The following ATXN2 variants were observed in gnomAD, a reference collection of about 807,000 sequenced individuals.
The protein encoded by ATXN2 is ataxin 2.
A neutral mutation model predicts 138.6 loss-of-function variants in ATXN2; 37 were observed. The observed-to-expected ratio is 0.27, with a 90% confidence interval of 0.21 to 0.35. ATXN2 has a LOEUF of 0.35. Among genes scored for constraint, ATXN2 ranks in the 10% least tolerant of loss-of-function variants. ATXN2 has a pLI of 1.00. For synonymous variants in ATXN2, 549 were observed against 543.7 expected (o/e 1.01, Z -0.13); for missense variants, 1,216 against 1,480.3 (o/e 0.82, Z 2.93).
rs1885110632 is a variant in ATXN2 at position 111,598,997 on chromosome 12, TGCTGCTGCTGCTGC to T, written c.24_37del (p.Gln9AlafsTer76). On this transcript the variant is annotated frameshift_variant, in exon 1 of 25. Coordinates refer to ENST00000673436, the MANE Select transcript of ATXN2 (RefSeq NM_001372574.1). LOFTEE classifies it high-confidence loss of function. This position sits in a 1 kb window ranked among gnomAD's most constrained non-coding sequence, Gnocchi z 4.5. ...CTGCTGTTGCTGCTGCTGCTGCTGC[TGCTGCTGCTGCTGC>T]TGCTGCTGGGGCTTCAGCGACATGG... The T allele has an allele frequency of 6.7e-7, 1 of 1,494,754 alleles. No individual in the cohort carries two copies. Among genetic ancestry groups the T allele is most frequent in the African/African-American group, 1.5e-5 (1 of 68,670 alleles). 92.6% of individuals were successfully genotyped at this position (1,494,754 alleles called of 1,614,324 possible).
At chr12:111,562,730 A>G (rs1882769374) in intron 1 of ATXN2, among the ~76,000 whole-genome samples, 1 of 151,270 alleles carries the variant, frequency 6.6e-6, no homozygotes, top group Admixed American at 6.7e-5. Flanking sequence ...CAAAAAAAAA[A>G]AAAAAAAAAA....
chr12:111,556,118 GT>G (rs1882376151), intron 1 of ATXN2, among the ~76,000 whole-genome samples, 199 bp from the exon 2 acceptor site: 1 of 152,106 alleles, frequency 6.6e-6, no homozygotes, highest in African/African-American at 2.4e-5. Context: ...ACAGGTAGGG[GT>G]CATAGAAGGA....
intron 12 of ATXN2, among the ~76,000 whole-genome samples, 163 bp from the exon 13 acceptor site, chr12:111,510,161 A>G (rs567681587): frequency 2.4e-4 from 37 of 152,310 alleles, no homozygotes; most frequent in African/African-American, 8.4e-4. Context: ...CAATAATTTT[A>G]TTTATGTAGG....
At chr12:111,510,056 C>T (rs1879410703) in intron 12 of ATXN2, 58 bp from the exon 13 acceptor site, 5 of 1,201,196 alleles carry the variant, frequency 4.2e-6, no homozygotes, top group African/African-American at 3.1e-5. Context: ...AACAAGAAAA[C>T]ACTGAACAAT....
At chr12:111,571,423 A>G (rs1592914088) in intron 1 of ATXN2, among the ~76,000 whole-genome samples, 1 of 152,180 alleles carries the variant, frequency 6.6e-6, no homozygotes, top group South Asian at 2.1e-4. Context: ...GTTAAGTTCT[A>G]CAGGAAGTTT....
chr12:111,486,837 T>C lies in ATXN2; in HGVS notation c.2241-13A>G, dbSNP rs888509467. 1.2e-6 allele frequency: 2 copies of C among 1,607,564 alleles called. No individual in the cohort carries two copies. The highest frequency in any genetic ancestry group is 1.7e-6 in the Non-Finnish European group (2 of 1,174,846). On this transcript the variant is annotated splice_polypyrimidine_tract_variant and intron_variant, in intron 15 of 24. Transcript: ENST00000673436. ...TTTCCTAACTTGCCTAAAAAAAATA[T>C]AAAGGCCAGTGAAATCTACATGGAC...
At chr12:111,504,942 G>A (rs1313269578) in intron 14 of ATXN2, among the ~76,000 whole-genome samples, 2 of 152,150 alleles carry the variant, frequency 1.3e-5, no homozygotes, top group African/African-American at 4.8e-5. Context: ...AAGAATTCAG[G>A]GCGAGTCCGC....
intron 14 of ATXN2, among the ~76,000 whole-genome samples, chr12:111,490,165 C>T (rs982046149): frequency 1.7e-4 from 25 of 150,158 alleles, no homozygotes; most frequent in South Asian, 6.2e-4. Flanking sequence ...CAAGATCACA[C>T]CACTGCACTC....
Position 111,598,788 on chromosome 12 carries a change from C to A in ATXN2, c.247G>T (p.Gly83Cys). The stretch of plus-strand genomic sequence containing the variant: ...GGCTGGGGTGCCGACACCCACCTGC[C>A]CAGGCCGGGCCTCCCGCCGCCGGAG... ...ATSGGGRPGLGRGRNSNKGLP... is the reference protein window; with the variant it reads ...ATSGGGRPGLCRGRNSNKGLP... The change falls in exon 1 of 25, where the codon GGC (glycine) becomes TGC (cysteine). Residue 83 changes from glycine (G) to cysteine (C), a missense_variant. This residue lies in a region of ATXN2 where 401 missense variants were observed against 528.1 expected (regional missense o/e 0.76). Coordinates refer to ENST00000673436, the MANE Select transcript of ATXN2 (RefSeq NM_001372574.1). The surrounding 1 kb of genome is among the most constrained non-coding windows in gnomAD (Gnocchi z 4.5). The A allele has an allele frequency of 7.3e-7, 1 of 1,370,116 alleles. No individual in the cohort carries two copies. The allele number at this position is 1,370,116 out of a possible 1,614,324, so 84.9% of individuals were successfully genotyped here.
At chr12:111,458,839 T>A (rs1165369944) in intron 21 of ATXN2, among the ~76,000 whole-genome samples, 79 of 152,100 alleles carry the variant, frequency 5.2e-4, no homozygotes, top group Non-Finnish European at 1.5e-5. Flanking sequence ...ACGTAAATGG[T>A]GTGCAGAGGG....
intron 10 of ATXN2, 64 bp from the exon 11 acceptor site, chr12:111,513,603 A>T: frequency 6.9e-7 from 1 of 1,451,692 alleles, no homozygotes; most frequent in Non-Finnish European, 9.3e-7. Context: ...CTTTTCTGCT[A>T]AATACACCCA....
chr12:111,521,633 T>C (rs1880161717), intron 6 of ATXN2, among the ~76,000 whole-genome samples: 1 of 152,178 alleles, frequency 6.6e-6, no homozygotes, highest in South Asian at 2.1e-4. Context: ...CCATTAGCAG[T>C]TGTGACACCT....
chr12:111,480,614 G>A (rs1340298380), intron 18 of ATXN2, among the ~76,000 whole-genome samples: 2 of 152,160 alleles, frequency 1.3e-5, no homozygotes, highest in Non-Finnish European at 2.9e-5. Context: ...GGCGGAGGTT[G>A]CAGTGAAGCT....
At chr12:111,573,468 T>A (rs1883454135) in intron 1 of ATXN2, among the ~76,000 whole-genome samples, 1 of 152,210 alleles carries the variant, frequency 6.6e-6, no homozygotes, top group Non-Finnish European at 1.5e-5. Flanking sequence ...ACTGCTGGGA[T>A]TACAGGCATA....
At chr12:111,567,439 G>T (rs1408523600) in intron 1 of ATXN2, among the ~76,000 whole-genome samples, 1 of 151,976 alleles carries the variant, frequency 6.6e-6, no homozygotes, top group Non-Finnish European at 1.5e-5. Context: ...GGCAGAGGTT[G>T]CAGTAAGCTG....
At chr12:111,592,037 GCA>G in intron 1 of ATXN2, among the ~76,000 whole-genome samples, 1 of 148,176 alleles carries the variant, frequency 6.7e-6, no homozygotes, top group Non-Finnish European at 1.5e-5. Context: ...AGCTGAGATT[GCA>G]CCACTGCACT....
At chr12:111,501,539 C>T (rs1020446329) in intron 14 of ATXN2, among the ~76,000 whole-genome samples, 1 of 152,110 alleles carries the variant, frequency 6.6e-6, no homozygotes, top group Non-Finnish European at 1.5e-5. Flanking sequence ...GTTTCATTAC[C>T]AAGGCTCTTG....
At chr12:111,563,660 T>C (rs770809641) in intron 1 of ATXN2, among the ~76,000 whole-genome samples, 6 of 152,192 alleles carry the variant, frequency 3.9e-5, no homozygotes, top group African/African-American at 1.4e-4. Flanking sequence ...GTGAGATATA[T>C]AGGAGAATTC....
intron 1 of ATXN2, among the ~76,000 whole-genome samples, chr12:111,593,376 T>C (rs1884778218): frequency 6.6e-6 from 1 of 152,044 alleles, no homozygotes; most frequent in East Asian, 1.9e-4. Flanking sequence ...ATTACAGGTA[T>C]GAGCCACCGC....
Sources: gnomAD v4.1 joint callset for allele counts (sites outside exome capture counted in the v4.1 genomes callset) on GRCh38, gnomAD v4.1.1 for gene constraint, gnomAD v4.1.1 regional missense constraint, Gnocchi (gnomAD v3.1) non-coding constraint, MANE v1.5 for transcripts, NCBI Gene and HGNC (gene_info 2026-07-23, HGNC 2026-07-21) for gene names.